CSMD1: variants seen among roughly 807,000 people sequenced by gnomAD.
The protein encoded by CSMD1 is CUB and Sushi multiple domains 1.
A neutral mutation model predicts 417.5 loss-of-function variants in CSMD1; 213 were observed. The ratio of observed to expected loss-of-function variants is 0.51; its 90% CI spans 0.46 to 0.57. The LOEUF is 0.57. Among genes scored for constraint, CSMD1 ranks in the 20% least tolerant of loss-of-function variants. The pLI, the probability that CSMD1 is intolerant of heterozygous loss-of-function variation, is 0.00. For synonymous variants in CSMD1, 2,862 were observed against 1,736.8 expected (o/e 1.65, Z -16.11); for missense variants, 6,923 against 4,529.7 (o/e 1.53, Z -15.17).
intron 2 of CSMD1, among the ~76,000 whole-genome samples, chr8:4,470,837 G>A (rs1485327424): frequency 6.6e-6 from 1 of 151,910 alleles, no homozygotes; most frequent in Admixed American, 6.6e-5. Flanking sequence ...GTTGTCTCTG[G>A]GCTTCTTTGA....
intron 2 of CSMD1, among the ~76,000 whole-genome samples, chr8:4,489,020 CCT>C (rs1306537414): frequency 2.0e-5 from 3 of 152,158 alleles, no homozygotes. Context: ...AAGCAATTCC[CCT>C]GTCTCAGCCT....
intron 56 of CSMD1, 144 bp downstream of exon 56, chr8:2,974,307 T>C (rs1804732165): frequency 1.4e-6 from 1 of 705,850 alleles, no homozygotes; most frequent in Non-Finnish European, 2.2e-6. Context: ...AGCGGCGTAT[T>C]TGGCTAGAAA....
intron 10 of CSMD1, among the ~76,000 whole-genome samples, chr8:3,499,453 G>A (rs983570085): frequency 1.3e-4 from 20 of 152,066 alleles, no homozygotes; most frequent in African/African-American, 4.1e-4. Flanking sequence ...CTGGTCCTTG[G>A]GTCCCTGGGG....
rs113030861 is a variant in CSMD1, at chr8:4,851,734, G to C, written c.85+142598C>G. On this transcript the variant is annotated intron_variant, in intron 1 of 69. Coordinates refer to ENST00000635120, the MANE Select transcript of CSMD1 (RefSeq NM_033225.6). ...CCCATATGACTAACAAGAACCTTAA[G>C]ACTTCTTCTTCTTCAAAGACAGGTC... 7.1e-3 allele frequency among the ~76,000 whole-genome samples: 1,077 copies of C among 152,196 alleles called. 12 individuals are homozygous for C. The highest frequency in any genetic ancestry group is 0.036 in the South Asian group (175 of 4,818).
chr8:4,913,335 G>A (rs1805829727), intron 1 of CSMD1, among the ~76,000 whole-genome samples: 1 of 152,168 alleles, frequency 6.6e-6, no homozygotes, highest in Non-Finnish European at 1.5e-5. Flanking sequence ...ATTGTTTACA[G>A]CCTCACCTCT....
At chr8:4,025,028 G>A (rs1027196436) in intron 4 of CSMD1, among the ~76,000 whole-genome samples, 8 of 152,322 alleles carry the variant, frequency 5.3e-5, no homozygotes, top group Admixed American at 4.6e-4. Flanking sequence ...TACATAGGTA[G>A]AATTAGGCAG....
intron 23 of CSMD1, among the ~76,000 whole-genome samples, chr8:3,321,019 G>A (rs1441881628): frequency 1.3e-5 from 2 of 152,008 alleles, no homozygotes; most frequent in Non-Finnish European, 1.5e-5. Context: ...AAATGGCCTC[G>A]CTTTTGTATT....
chr8:3,117,895 A>C (rs1437516576), intron 42 of CSMD1, among the ~76,000 whole-genome samples: 1 of 152,196 alleles, frequency 6.6e-6, no homozygotes, highest in East Asian at 1.9e-4. Context: ...TCCACCTCCG[A>C]GTAGCAAAAT....
intron 5 of CSMD1, among the ~76,000 whole-genome samples, chr8:3,941,535 C>A (rs1307399832): frequency 1.3e-5 from 2 of 152,244 alleles, no homozygotes; most frequent in South Asian, 4.1e-4. Context: ...TTTTAAAGTG[C>A]TCTCTCTCCG....
At chr8:4,144,497 G>A (rs142122911) in intron 3 of CSMD1, among the ~76,000 whole-genome samples, 1 of 151,164 alleles carries the variant, frequency 6.6e-6, no homozygotes, top group East Asian at 1.9e-4. Context: ...CCGCTTGAGG[G>A]CTCCAGTCTA....
In CSMD1 at chr8:3,884,912, A is replaced by AATATATATATATATATATTCAT. The variant is rs1441202079; in HGVS notation, c.818+112969_818+112990dup. Among the ~76,000 whole-genome samples the AATATATATATATATATATTCAT allele has an allele frequency of 2.7e-5, 4 of 145,764 alleles. No homozygotes were observed. In the South Asian group the frequency reaches 6.4e-4, roughly 23 times the overall value. On this transcript the variant is annotated intron_variant, in intron 5 of 69. Transcript: ENST00000635120. The stretch of plus-strand genomic sequence containing the variant: ...TAACTTTTATATTAAAGGCCTTCTA[A>AATATATATATATATATATTCAT]ATATATATATATATATATTCATATA...
chr8:3,670,603 C>A lies in CSMD1; in HGVS notation c.1009+37811G>T, dbSNP rs144264844. On this transcript the variant is annotated intron_variant, in intron 7 of 69. Coordinates refer to ENST00000635120, the MANE Select transcript of CSMD1 (RefSeq NM_033225.6). ...GATATATATGGGGATATATATATTGCACATATATATGGGGATATATATATG... is the reference window on the plus strand; with the variant it reads ...GATATATATGGGGATATATATATTGAACATATATATGGGGATATATATATG... Among the ~76,000 whole-genome samples, 528 of 100,910 alleles carry A rather than the reference C, an allele frequency of 5.2e-3. 6 individuals carry two copies. The highest frequency in any genetic ancestry group is 0.016 in the African/African-American group (471 of 30,040). The allele number at this position is 100,910 out of a possible 152,430, so 66.2% of individuals were successfully genotyped here.
At chr8:4,805,297 A>C (rs924044177) in intron 1 of CSMD1, among the ~76,000 whole-genome samples, 1 of 152,234 alleles carries the variant, frequency 6.6e-6, no homozygotes, top group African/African-American at 2.4e-5. Context: ...TATTCTATGC[A>C]ATATGCTTCA....
At chr8:4,436,834 G>T (rs940277778) in intron 2 of CSMD1, among the ~76,000 whole-genome samples, 1 of 152,134 alleles carries the variant, frequency 6.6e-6, no homozygotes, top group Non-Finnish European at 1.5e-5. Context: ...CCATGTTGGT[G>T]CAAATGAGTG....
chr8:4,971,692 T>TAC (rs1810249583), intron 1 of CSMD1, among the ~76,000 whole-genome samples: 1 of 140,316 alleles, frequency 7.1e-6, no homozygotes, highest in African/African-American at 3.2e-5. Context: ...TTCTGAAATA[T>TAC]ATATATATAT....
intron 1 of CSMD1, among the ~76,000 whole-genome samples, chr8:4,845,071 T>C (rs1210022687): frequency 5.0e-5 from 1 of 20,128 alleles, no homozygotes; most frequent in African/African-American, 1.8e-4. Flanking sequence ...AAAAACTATC[T>C]ATCTAATTTT....
At chr8:4,290,175 G>A (rs538123030) in intron 3 of CSMD1, among the ~76,000 whole-genome samples, 32 of 152,288 alleles carry the variant, frequency 2.1e-4, no homozygotes, top group African/African-American at 5.5e-4. Context: ...GCAGAGTTGC[G>A]TGGACTTTTG....
intron 4 of CSMD1, among the ~76,000 whole-genome samples, chr8:4,031,602 G>A (rs1446688653): frequency 6.6e-6 from 1 of 152,010 alleles, no homozygotes; most frequent in Non-Finnish European, 1.5e-5. Flanking sequence ...TCATAAACTT[G>A]CTATTGACTT....
At chr8:4,128,083 T>A (rs939560201) in intron 3 of CSMD1, among the ~76,000 whole-genome samples, 1 of 152,136 alleles carries the variant, frequency 6.6e-6, no homozygotes, top group Non-Finnish European at 1.5e-5. Flanking sequence ...TCAAAATGGT[T>A]CCTCAACAGT....
Sources: gnomAD v4.1 joint callset for allele counts (sites outside exome capture counted in the v4.1 genomes callset) on GRCh38, gnomAD v4.1.1 for gene constraint, MANE v1.5 for transcripts, NCBI Gene and HGNC (gene_info 2026-07-23, HGNC 2026-07-21) for gene names.